AP4S1: variants seen among roughly 807,000 people sequenced by gnomAD.
AP4S1 encodes adaptor related protein complex 4 subunit sigma 1.
Under a neutral mutation model 19.8 loss-of-function variants are expected in AP4S1, and 23 were observed. The observed-to-expected ratio is 1.16, with a 90% confidence interval of 0.84 to 1.65. The LOEUF is 1.65. AP4S1 is among the 40% of genes most tolerant of loss of function. AP4S1 has a pLI of 0.00. For synonymous variants in AP4S1, 46 were observed against 54.1 expected, an observed-to-expected ratio of 0.85 and a Z score of 0.66; for missense variants, 166 against 172.8, an observed-to-expected ratio of 0.96 and a Z score of 0.22.
chr14:31,083,410 G>C, intron 5 of AP4S1: 1 of 447,554 alleles, frequency 2.2e-6, no homozygotes, highest in South Asian at 1.6e-5. Context: ...CTTTGCTCCA[G>C]GTTTGATCTC....
intron 1 of AP4S1, among the ~76,000 whole-genome samples, chr14:31,060,523 C>CACATGGCAGGT (rs1170798930): frequency 4.6e-5 from 7 of 152,234 alleles, no homozygotes; most frequent in Admixed American, 3.3e-4. Context: ...ACTTAAGCGT[C>CACATGGCAGGT]ACATGGCAGG....
intron 4 of AP4S1, among the ~76,000 whole-genome samples, chr14:31,074,913 G>C (rs1032329437): frequency 8.6e-5 from 13 of 151,786 alleles, no homozygotes; most frequent in African/African-American, 2.9e-4. Flanking sequence ...ATACATAAGA[G>C]ATGTAGATAT....
In AP4S1 at chr14:31,026,032, C is replaced by T. The variant is rs762081364; in HGVS notation, c.-72+245C>T. The T allele has an allele frequency of 8.3e-5, 128 of 1,536,592 alleles. No individual in the cohort carries two copies. The highest frequency in any genetic ancestry group is 5.9e-4 in the Middle Eastern group (3 of 5,122). On this transcript the variant is annotated intron_variant, in intron 1 of 5. Transcript: ENST00000542754. ...GGCCGGGACAGCTCGGGGCCTGCCG[C>T]GGGACCCGCTCCCTCGGAGGCCGGA...
chr14:31,064,255 C>A (rs1886596122), intron 1 of AP4S1, among the ~76,000 whole-genome samples: 1 of 151,896 alleles, frequency 6.6e-6, no homozygotes, highest in South Asian at 2.1e-4. Flanking sequence ...ATCTTCTTTT[C>A]TTTTTCTTTT....
chr14:31,048,636 G>C (rs914174806), intron 1 of AP4S1, among the ~76,000 whole-genome samples: 3 of 152,092 alleles, frequency 2.0e-5, no homozygotes, highest in African/African-American at 7.2e-5. Flanking sequence ...CTACTTGGGA[G>C]GCTGAGGGAG....
intron 5 of AP4S1, chr14:31,083,494 C>CTTTTTTTTTTTTTT: frequency 7.2e-6 from 2 of 276,062 alleles, no homozygotes; most frequent in Non-Finnish European, 6.6e-6. Context: ...TCTGTTGACA[C>CTTTTTTTTTTTTTT]TCTTTTTTTT....
At chr14:31,064,296 T>C (rs942470140) in intron 1 of AP4S1, among the ~76,000 whole-genome samples, 5 of 152,006 alleles carry the variant, frequency 3.3e-5, no homozygotes, top group African/African-American at 1.2e-4. Flanking sequence ...TCACCCAGGC[T>C]GGAGTGCAGT....
chr14:31,061,326 A>G (rs1886426485), intron 1 of AP4S1, among the ~76,000 whole-genome samples: 1 of 151,994 alleles, frequency 6.6e-6, no homozygotes, highest in East Asian at 1.9e-4. Flanking sequence ...TGGGCAGTCA[A>G]CTCTACCCTT....
rs1223675012 is a variant in AP4S1, at chr14:31,054,377, A to AT, written c.-71-11740dup. 9.2e-5 allele frequency among the ~76,000 whole-genome samples: 14 copies of AT among 152,048 alleles called. No individual in the cohort carries two copies. The South Asian group carries it at 2.7e-3, about 29-fold the overall frequency. ...TAGCAAGACCCCGTGTCTACAAAAAATTTTTTTTTAATTAGCAGGGCATGG... is the reference window on the plus strand; with the variant it reads ...TAGCAAGACCCCGTGTCTACAAAAAATTTTTTTTTTAATTAGCAGGGCATGG... On this transcript the variant is annotated intron_variant, in intron 1 of 5. Coordinates refer to ENST00000542754, the MANE Select transcript of AP4S1 (RefSeq NM_001128126.3).
At chr14:31,063,202 G>A (rs1187942926) in intron 1 of AP4S1, among the ~76,000 whole-genome samples, 3 of 152,012 alleles carry the variant, frequency 2.0e-5, no homozygotes, top group East Asian at 1.9e-4. Context: ...AGGCTGAGGC[G>A]GGCAGATCAC....
At chr14:31,074,759 T>C (rs1234071982) in intron 4 of AP4S1, among the ~76,000 whole-genome samples, 5 of 152,074 alleles carry the variant, frequency 3.3e-5, no homozygotes, top group African/African-American at 9.7e-5. Context: ...GAGGATGAGG[T>C]GGGAGGATGT....
Position 31,093,139 on chromosome 14 carries a change from A to G in AP4S1, c.*104A>G. ...AGAATCTGGAAGACCACAATTACAA[A>G]ATGGGGTATCCTTCCAAAGACATTA... On this transcript the variant is annotated 3_prime_UTR_variant, in exon 6 of 6. Coordinates refer to ENST00000542754, the MANE Select transcript of AP4S1 (RefSeq NM_001128126.3). The G allele has an allele frequency of 8.4e-7, 1 of 1,192,518 alleles. No homozygotes were observed. The highest frequency in any genetic ancestry group is 1.6e-5 in the South Asian group (1 of 61,712). 73.9% of individuals were successfully genotyped at this position (1,192,518 alleles called of 1,614,324 possible). A position where few individuals can be genotyped will look rare whatever the true frequency, so the allele number is the denominator to read the frequency against.
At chr14:31,091,373 C>G (rs1452377511) in intron 5 of AP4S1, among the ~76,000 whole-genome samples, 1 of 152,106 alleles carries the variant, frequency 6.6e-6, no homozygotes, top group East Asian at 1.9e-4. Flanking sequence ...ACCTGGCTGC[C>G]ATTCCCACTT....
At position 31,026,007 on chromosome 14, in the gene AP4S1, G is replaced by C. The variant is rs747184947; in HGVS notation, c.-72+220G>C. ...TATCCCCGGGATAGTGTACTGCTGC[G>C]GCCGGGACAGCTCGGGGCCTGCCGC... On this transcript the variant is annotated intron_variant, in intron 1 of 5. Transcript: ENST00000542754. 2 of 1,551,864 alleles carry C rather than the reference G, an allele frequency of 1.3e-6. No homozygotes were observed. Among genetic ancestry groups the C allele is most frequent in the South Asian group, 1.2e-5 (1 of 84,388 alleles).
intron 1 of AP4S1, among the ~76,000 whole-genome samples, chr14:31,065,864 G>A (rs1395428538): frequency 1.3e-5 from 2 of 152,040 alleles, no homozygotes; most frequent in Non-Finnish European, 2.9e-5. Context: ...GTTTCACCAT[G>A]TTATCCAGGA....
intron 5 of AP4S1, among the ~76,000 whole-genome samples, chr14:31,092,185 AATTTT>A (rs1347866409): frequency 1.3e-5 from 2 of 152,170 alleles, no homozygotes; most frequent in Admixed American, 1.3e-4. Flanking sequence ...GAAATCCAGA[AATTTT>A]ATTATGCCCT....
chr14:31,094,489 G>C lies in AP4S1; in HGVS notation c.*1454G>C, dbSNP rs1277707035. 1 of 152,406 alleles carries C rather than the reference G, an allele frequency of 6.6e-6. No homozygotes were observed. The highest frequency in any genetic ancestry group is 2.1e-4 in the South Asian group (1 of 4,810). 9.4% of individuals were successfully genotyped at this position (152,406 alleles called of 1,614,324 possible). ...CACATACCTGTAGTCTCAACTACTC[G>C]GGAGTCTGAGGCAGAAGATTTCTTG... On this transcript the variant is annotated 3_prime_UTR_variant, in exon 6 of 6. Transcript: ENST00000542754.
intron 1 of AP4S1, among the ~76,000 whole-genome samples, chr14:31,049,345 C>T (rs1885604412): frequency 7.0e-6 from 1 of 143,836 alleles, no homozygotes; most frequent in Admixed American, 7.1e-5. Context: ...ACCCGGGAGG[C>T]AGAGCTGGCA....
At chr14:31,038,805 C>CTGTAAG (rs1011652248) in intron 1 of AP4S1, among the ~76,000 whole-genome samples, 2 of 152,168 alleles carry the variant, frequency 1.3e-5, no homozygotes, top group African/African-American at 4.8e-5. Context: ...CTAATGAGCA[C>CTGTAAG]TGTAAGCACT....
Sources: allele counts gnomAD v4.1 joint callset (sites outside exome capture counted in the v4.1 genomes callset), GRCh38; gene constraint gnomAD v4.1.1; transcripts MANE v1.5; gene names NCBI Gene and HGNC (gene_info 2026-07-23, HGNC 2026-07-21).